STX17: variants seen among roughly 807,000 people sequenced by gnomAD.
STX17 encodes syntaxin 17.
Under a neutral mutation model 35.9 loss-of-function variants are expected in STX17, and 29 were observed. That is an observed-to-expected ratio of 0.81 (90% confidence interval 0.60 to 1.10). STX17 has a LOEUF of 1.10. STX17 is among the 50% of genes least tolerant of loss of function. The pLI, the probability that STX17 is intolerant of heterozygous loss-of-function variation, is 0.00. For missense variants in STX17, 312 were observed against 352.3 expected (o/e 0.89, Z 0.92); for synonymous variants, 92 against 118.3 (o/e 0.78, Z 1.44).
At chr9:99,934,026 A>G (rs1258931782) in intron 3 of STX17, among the ~76,000 whole-genome samples, 2 of 152,226 alleles carry the variant, frequency 1.3e-5, no homozygotes, top group African/African-American at 4.8e-5. Flanking sequence ...TTAAAACCTT[A>G]GTAAAAGTTA....
At chr9:99,928,412 C>T (rs1375533036) in intron 2 of STX17, among the ~76,000 whole-genome samples, 2 of 151,720 alleles carry the variant, frequency 1.3e-5, no homozygotes, top group African/African-American at 2.4e-5. Context: ...TCTTCATATA[C>T]AATAAGAATA....
intron 4 of STX17, among the ~76,000 whole-genome samples, chr9:99,953,560 C>T (rs1829647322): frequency 6.6e-6 from 1 of 152,040 alleles, no homozygotes; most frequent in African/African-American, 2.4e-5. Flanking sequence ...GTTTTTATCA[C>T]TTAGTGCAAA....
At chr9:99,926,105 A>G (rs903671230) in intron 2 of STX17, among the ~76,000 whole-genome samples, 1 of 151,988 alleles carries the variant, frequency 6.6e-6, no homozygotes, top group Admixed American at 6.5e-5. Flanking sequence ...CTTATCTGCT[A>G]TTAATCCCAT....
chr9:99,915,316 C>T lies in STX17; in HGVS notation c.77C>T (p.Pro26Leu), dbSNP rs1323251346. Residue 26 changes from proline to leucine, a missense_variant, in exon 2 of 8, where the codon CCA (proline) becomes CTA (leucine). By Grantham distance (98) the Pro-to-Leu change is moderately conservative. Coordinates refer to ENST00000259400, the MANE Select transcript of STX17 (RefSeq NM_017919.3). ...CAGAAATTCATTAAGATAGTAATCC[C>T]AACAGACCTGGAAAGGTTAAGAAAG... Reference protein sequence around the residue: ...AIQKFIKIVIPTDLERLRKHQ... With the variant: ...AIQKFIKIVILTDLERLRKHQ... The T allele has an allele frequency of 6.8e-6, 11 of 1,612,004 alleles. No individual in the cohort carries two copies. Among genetic ancestry groups the T allele is most frequent in the Non-Finnish European group, 9.3e-6 (11 of 1,179,170 alleles).
chr9:99,951,109 G>T lies in STX17; in HGVS notation c.239G>T (p.Arg80Leu). Reference protein sequence around the residue: ...REIEKLCLKVRKDDLVLLKRM... With the variant: ...REIEKLCLKVLKDDLVLLKRM... ...ATTGAGAAACTTTGTTTGAAAGTCCGAAAGGATGACCTAGTACTTCTGAAG... is the reference window on the plus strand; with the variant it reads ...ATTGAGAAACTTTGTTTGAAAGTCCTAAAGGATGACCTAGTACTTCTGAAG... The change falls in exon 4 of 8, where the codon CGA becomes CTA. Residue 80 changes from arginine to leucine, a missense_variant. By Grantham distance (102) the Arg-to-Leu change is moderately radical (BLOSUM62 -2). Coordinates refer to ENST00000259400, the MANE Select transcript of STX17 (RefSeq NM_017919.3). 2 of 1,612,126 alleles carry T rather than the reference G, an allele frequency of 1.2e-6. No individual in the cohort carries two copies. Among genetic ancestry groups the T allele is most frequent in the Non-Finnish European group, 1.7e-6 (2 of 1,178,792 alleles).
At chr9:99,955,381 AT>A (rs953502984) in intron 4 of STX17, among the ~76,000 whole-genome samples, 111 of 151,920 alleles carry the variant, frequency 7.3e-4, no homozygotes, top group African/African-American at 2.3e-3. Context: ...ATTGGTTTTA[AT>A]TTTTTTTAAG....
rs200852564 is a variant in STX17, at chr9:99,968,472, T to A, written c.708T>A (p.Gly236=). The A allele has an allele frequency of 2.6e-6, 4 of 1,530,080 alleles. No homozygotes were observed. The allele number at this position is 1,530,080 out of a possible 1,614,324, so 94.8% of individuals were successfully genotyped here. ...AGCTGGCAGCTCTGCCTGTGGCAGG[T>A]GCACTCATCGGGGGAATGGTAGGGG... ...KYKLAALPVA[G]ALIGGMVGGP... is the part of the protein sequence containing the mutation. Residue 236 remains glycine (G), a synonymous_variant, in exon 8 of 8, where the codon GGT becomes GGA. Coordinates refer to ENST00000259400, the MANE Select transcript of STX17 (RefSeq NM_017919.3).
rs1459475351 is a variant in STX17, at chr9:99,928,757, T to G, written c.124-21T>G. Reference sequence around the variant, plus strand: ...CTTTAGTGATGAAAAATTTAATACCTCCCTTCTTTCTTTTATATAGTATCA... The same window carrying G: ...CTTTAGTGATGAAAAATTTAATACCGCCCTTCTTTCTTTTATATAGTATCA... On this transcript the variant is annotated intron_variant, in intron 2 of 7. Transcript: ENST00000259400. 6 of 1,594,806 alleles carry G rather than the reference T, an allele frequency of 3.8e-6. No individual in the cohort carries two copies. The South Asian group carries it at 6.6e-5, about 18-fold the overall frequency.
At chr9:99,960,587 G>T (rs1829810311) in intron 6 of STX17, among the ~76,000 whole-genome samples, 1 of 152,152 alleles carries the variant, frequency 6.6e-6, no homozygotes, top group Non-Finnish European at 1.5e-5. Context: ...GGGATTACAG[G>T]CACGTGCCAC....
chr9:99,957,840 A>G (rs551377980), intron 4 of STX17, among the ~76,000 whole-genome samples: 54 of 151,476 alleles, frequency 3.6e-4, no homozygotes, highest in African/African-American at 1.3e-3. Flanking sequence ...TTTAGTAGAG[A>G]TGGGGTTTCG....
At chr9:99,910,851 C>G (rs1828646025) in intron 1 of STX17, among the ~76,000 whole-genome samples, 2 of 152,154 alleles carry the variant, frequency 1.3e-5, no homozygotes, top group Non-Finnish European at 2.9e-5. Context: ...CATCACTCTA[C>G]TCTCTACCTC....
At chr9:99,953,056 T>TA (rs759055558) in intron 4 of STX17, among the ~76,000 whole-genome samples, 9 of 150,596 alleles carry the variant, frequency 6.0e-5, no homozygotes, top group East Asian at 1.9e-4. Context: ...AGAATAAAAA[T>TA]AAAAAAAAAG....
intron 3 of STX17, among the ~76,000 whole-genome samples, chr9:99,948,644 AG>A (rs1319196525): frequency 6.6e-6 from 1 of 152,162 alleles, no homozygotes; most frequent in African/African-American, 2.4e-5. Flanking sequence ...AAAGACGTAA[AG>A]CTGTTAGCAC....
intron 4 of STX17, among the ~76,000 whole-genome samples, chr9:99,956,295 T>C (rs1426191686): frequency 1.3e-5 from 2 of 152,198 alleles, no homozygotes; most frequent in African/African-American, 2.4e-5. Flanking sequence ...AGTATTAATA[T>C]ATAATAATCT....
chr9:99,932,843 C>T lies in STX17; in HGVS notation c.189+4000C>T, dbSNP rs140757653. On this transcript the variant is annotated intron_variant, in intron 3 of 7. Coordinates refer to ENST00000259400, the MANE Select transcript of STX17 (RefSeq NM_017919.3). ...TAAAAGTTATTTTGGGACAAATAACCTCATCAACAATTATAACAGATTTTC... is the reference window on the plus strand; with the variant it reads ...TAAAAGTTATTTTGGGACAAATAACTTCATCAACAATTATAACAGATTTTC... Among the ~76,000 whole-genome samples, 357 of 152,090 alleles carry T rather than the reference C, an allele frequency of 2.3e-3. 2 individuals are homozygous for T. Among genetic ancestry groups the T allele is most frequent in the African/African-American group, 8.3e-3 (343 of 41,488 alleles).
chr9:99,957,612 C>A (rs926142957), intron 4 of STX17, among the ~76,000 whole-genome samples: 26 of 151,788 alleles, frequency 1.7e-4, no homozygotes, highest in Middle Eastern at 3.4e-3. Context: ...TATTGGAAAG[C>A]CTTCAGACTG....
intron 3 of STX17, among the ~76,000 whole-genome samples, chr9:99,934,848 A>G (rs183649477): frequency 8.9e-4 from 136 of 152,344 alleles, no homozygotes; most frequent in African/African-American, 3.1e-3. Flanking sequence ...GCCATTTTTC[A>G]GAATTTTCAA....
chr9:99,927,976 A>G (rs1829023859), intron 2 of STX17, among the ~76,000 whole-genome samples: 1 of 152,134 alleles, frequency 6.6e-6, no homozygotes, highest in Non-Finnish European at 1.5e-5. Context: ...TATATGAGGG[A>G]ATTTTTATGT....
At chr9:99,926,077 T>C (rs550484355) in intron 2 of STX17, among the ~76,000 whole-genome samples, 25 of 152,204 alleles carry the variant, frequency 1.6e-4, no homozygotes, top group African/African-American at 5.0e-4. Context: ...GGTTTACTAA[T>C]CTTTTCTTCT....
Sources: allele counts gnomAD v4.1 joint callset (sites outside exome capture counted in the v4.1 genomes callset), GRCh38; gene constraint gnomAD v4.1.1; transcripts MANE v1.5; gene names NCBI Gene and HGNC (gene_info 2026-07-23, HGNC 2026-07-21).